The following PNLIPRP3 variants were observed in gnomAD, a reference collection of about 807,000 sequenced individuals.
The protein encoded by PNLIPRP3 is pancreatic lipase-related protein 3.
A neutral mutation model predicts 52.8 loss-of-function variants in PNLIPRP3; 58 were observed. The ratio of observed to expected loss-of-function variants is 1.10; its 90% CI spans 0.89 to 1.37. PNLIPRP3 has a LOEUF of 1.37. PNLIPRP3 is among the 40% of genes most tolerant of loss of function. The pLI is 0.00. For missense variants in PNLIPRP3, 593 were observed against 561.6 expected (o/e 1.06, Z -0.57); for synonymous variants, 192 against 185.0 (o/e 1.04, Z -0.31).
intron 1 of PNLIPRP3, among the ~76,000 whole-genome samples, chr10:116,430,153 G>C (rs763928779): frequency 3.9e-5 from 6 of 152,162 alleles, no homozygotes; most frequent in Non-Finnish European, 8.8e-5. Context: ...CTTGTGAACA[G>C]AGTGAAGGCA....
chr10:116,475,909 A>G (rs1380195997), intron 10 of PNLIPRP3, among the ~76,000 whole-genome samples: 2 of 152,348 alleles, frequency 1.3e-5, no homozygotes, highest in Non-Finnish European at 2.9e-5. Context: ...CAACAAAAAA[A>G]GGGACTGTTT....
intron 10 of PNLIPRP3, among the ~76,000 whole-genome samples, chr10:116,475,778 A>G (rs1021637596): frequency 6.6e-6 from 1 of 152,238 alleles, no homozygotes; most frequent in African/African-American, 2.4e-5. Flanking sequence ...TAACAGAAGA[A>G]TAGTTATAAG....
At chr10:116,445,571 C>T (rs995201113) in intron 4 of PNLIPRP3, among the ~76,000 whole-genome samples, 2 of 111,082 alleles carry the variant, frequency 1.8e-5, no homozygotes, top group Admixed American at 1.7e-4. Flanking sequence ...AAAAAAAAAG[C>T]CAGCTGTAAG....
chr10:116,436,276 T>C (rs1201953403), intron 1 of PNLIPRP3, among the ~76,000 whole-genome samples: 1 of 16,014 alleles, frequency 6.2e-5, no homozygotes, highest in Non-Finnish European at 1.1e-3. Context: ...ACAAATGGTA[T>C]TGGGAATATT....
intron 1 of PNLIPRP3, among the ~76,000 whole-genome samples, chr10:116,434,285 G>T (rs938216236): frequency 6.6e-6 from 1 of 151,868 alleles, no homozygotes; most frequent in South Asian, 2.1e-4. Context: ...TTAATATTTT[G>T]GTACCTTTCT....
Position 116,461,293 on chromosome 10 carries a change from A to G in PNLIPRP3, c.808+3A>G, listed in dbSNP as rs762545146. 12 of 1,610,996 alleles carry G rather than the reference A, an allele frequency of 7.4e-6. No homozygotes were observed. Among genetic ancestry groups the G allele is most frequent in the Non-Finnish European group, 1.0e-5 (12 of 1,177,248 alleles). Reference sequence around the variant, plus strand: ...TAACTTCAATGCTTACAAAAAAGGTAAATACTTTCTAAACTATGAATGCTA... The same window carrying G: ...TAACTTCAATGCTTACAAAAAAGGTGAATACTTTCTAAACTATGAATGCTA... On this transcript the variant is annotated splice_donor_region_variant and intron_variant, in intron 7 of 11. Transcript: ENST00000369230.
intron 7 of PNLIPRP3, 36 bp downstream of exon 7, chr10:116,461,326 A>T: frequency 6.3e-7 from 1 of 1,596,020 alleles, no homozygotes; most frequent in Non-Finnish European, 8.6e-7. Context: ...CTACTGATGC[A>T]TATTCACTTA....
At chr10:116,440,152 G>A in intron 2 of PNLIPRP3, 1 of 598,096 alleles carries the variant, frequency 1.7e-6, no homozygotes, top group East Asian at 2.7e-5. Flanking sequence ...GATGTTCAGG[G>A]CATATTTATC....
intron 10 of PNLIPRP3, among the ~76,000 whole-genome samples, chr10:116,475,271 C>G (rs1846445546): frequency 6.6e-6 from 1 of 152,034 alleles, no homozygotes; most frequent in Non-Finnish European, 1.5e-5. Context: ...CAACACACAC[C>G]AGGACCTATC....
intron 8 of PNLIPRP3, among the ~76,000 whole-genome samples, chr10:116,467,312 G>A (rs1448145564): frequency 6.6e-6 from 1 of 152,128 alleles, no homozygotes; most frequent in African/African-American, 2.4e-5. Flanking sequence ...GATCTCTTAA[G>A]CCCAGAAATT....
rs1170811098 is a variant in PNLIPRP3 at position 116,441,355 on chromosome 10, C to T, written c.205-1700C>T. 2.6e-5 allele frequency among the ~76,000 whole-genome samples: 4 copies of T among 152,154 alleles called. No homozygotes were observed. The East Asian group carries it at 7.7e-4, about 29-fold the overall frequency. ...AACAGATGCTCAGACCCCACAATGC[C>T]TGTCAGAATGCTATTCTCATGTTGA... On this transcript the variant is annotated intron_variant, in intron 2 of 11. Coordinates refer to ENST00000369230, the MANE Select transcript of PNLIPRP3 (RefSeq NM_001011709.3).
chr10:116,461,893 A>C (rs1846198149), intron 7 of PNLIPRP3, among the ~76,000 whole-genome samples: 1 of 152,148 alleles, frequency 6.6e-6, no homozygotes, highest in Admixed American at 6.5e-5. Flanking sequence ...AGGGCTGAAA[A>C]CAGGAGTCAG....
chr10:116,427,992 T>C lies in PNLIPRP3; in HGVS notation c.-21T>C, dbSNP rs1366983267. On this transcript the variant is annotated 5_prime_UTR_variant, in exon 1 of 12. An upstream open reading frame in the 5' UTR loses its in-frame stop. Transcript: ENST00000369230. Reference sequence around the variant, plus strand: ...AAAGATCTTCAAGAAGATTTTTATGTGATTTAAAAAATCAGCTTAGATGCT... The same window carrying C: ...AAAGATCTTCAAGAAGATTTTTATGCGATTTAAAAAATCAGCTTAGATGCT... 1.3e-6 allele frequency: 2 copies of C among 1,594,614 alleles called. No individual in the cohort carries two copies. Among genetic ancestry groups the C allele is most frequent in the South Asian group, 1.1e-5 (1 of 89,568 alleles).
In PNLIPRP3 at chr10:116,469,314, G is replaced by A. The variant is rs774650056; in HGVS notation, c.1057G>A (p.Ala353Thr). ...AAACACAGGGTCCCTTTCCCCATTT[G>A]CCCGTAAGTATCATAGCTAAGTTTA... ...FLNTGSLSPF[A>T]RWRHKLSVKL... The change falls in exon 9 of 12, where the codon GCC becomes ACC. Residue 353 changes from alanine (A) to threonine (T), a missense_variant. Ala to Thr is a moderately conservative substitution (Grantham distance 58, BLOSUM62 0). Transcript: ENST00000369230. 5 of 1,600,160 alleles carry A rather than the reference G, an allele frequency of 3.1e-6. No homozygotes were observed. In the Admixed American group the frequency reaches 8.7e-5, roughly 28 times the overall value.
Position 116,443,035 on chromosome 10 carries a change from T to C in PNLIPRP3, c.205-20T>C, listed in dbSNP as rs1042558376. The C allele has an allele frequency of 1.3e-6, 2 of 1,528,024 alleles. No homozygotes were observed. Among genetic ancestry groups the C allele is most frequent in the Non-Finnish European group, 1.8e-6 (2 of 1,129,256 alleles). The allele number at this position is 1,528,024 out of a possible 1,614,324, so 94.7% of individuals were successfully genotyped here. A position where few individuals can be genotyped will look rare whatever the true frequency, so the allele number is the denominator to read the frequency against. On this transcript the variant is annotated intron_variant, in intron 2 of 11. Coordinates refer to ENST00000369230, the MANE Select transcript of PNLIPRP3 (RefSeq NM_001011709.3). ...ATTTTTAATTATTATTTTTCCTTAA[T>C]CTCTTTCTGCTTGAAACAGGAGATC...
At chr10:116,429,232 T>C (rs1329808805) in intron 1 of PNLIPRP3, among the ~76,000 whole-genome samples, 1 of 152,184 alleles carries the variant, frequency 6.6e-6, no homozygotes, top group Non-Finnish European at 1.5e-5. Flanking sequence ...CTTTAGCCTA[T>C]GTGTATAAGG....
At chr10:116,437,714 G>A (rs1845796400) in intron 2 of PNLIPRP3, among the ~76,000 whole-genome samples, 1 of 152,002 alleles carries the variant, frequency 6.6e-6, no homozygotes, top group African/African-American at 2.4e-5. Flanking sequence ...GTGACTATGA[G>A]GCCATTTAGA....
Position 116,444,521 on chromosome 10 carries a change from G to T in PNLIPRP3, c.456+8G>T, listed in dbSNP as rs201969361. On this transcript the variant is annotated splice_region_variant and intron_variant, in intron 4 of 11. Transcript: ENST00000369230. ...TTTATTGATGTTCTCATGGTAAGAA[G>T]AGTTGATTTTTTTTTAATTATATTG... 3.6e-4 allele frequency: 572 copies of T among 1,605,462 alleles called. 1 individual carries two copies. The highest frequency in any genetic ancestry group is 4.5e-4 in the Non-Finnish European group (534 of 1,177,326).
In PNLIPRP3 at chr10:116,427,921, G is replaced by A; in HGVS notation, c.-92G>A. ...AGTTTAAACATTGAGTTGCATCATT[G>A]TGAGGAAAACCACTTAGTATTTTAT... On this transcript the variant is annotated 5_prime_UTR_variant, in exon 1 of 12. It adds an upstream start codon to the 5' untranslated region. Coordinates refer to ENST00000369230, the MANE Select transcript of PNLIPRP3 (RefSeq NM_001011709.3). 2.2e-6 allele frequency: 2 copies of A among 928,468 alleles called. No homozygotes were observed. The highest frequency in any genetic ancestry group is 2.8e-5 in the South Asian group (2 of 72,274). The allele number at this position is 928,468 out of a possible 1,614,324, so 57.5% of individuals were successfully genotyped here.
Sources: gnomAD v4.1 joint callset for allele counts (sites outside exome capture counted in the v4.1 genomes callset) on GRCh38, gnomAD v4.1.1 for gene constraint, MANE v1.5 for transcripts, NCBI Gene and HGNC (gene_info 2026-07-23, HGNC 2026-07-21) for gene names.